Variants in STRIP2 observed in about 807,000 individuals in gnomAD.
The protein encoded by STRIP2 is striatin interacting protein 2.
A neutral mutation model predicts 107.1 loss-of-function variants in STRIP2; 84 were observed. The observed-to-expected ratio is 0.78, with a 90% CI of 0.66 to 0.94. The LOEUF (loss-of-function observed/expected upper bound fraction) is 0.94. Among genes scored for constraint, STRIP2 ranks in the 40% least tolerant of loss-of-function variants. The pLI, the probability that STRIP2 is intolerant of heterozygous loss-of-function variation, is 0.00. For missense variants in STRIP2, 888 were observed against 1,034.2 expected (o/e 0.86, Z 1.94); for synonymous variants, 394 against 400.4 (o/e 0.98, Z 0.19).
intron 18 of STRIP2, 103 bp downstream of exon 18, chr7:129,470,818 G>A (rs1038846226): frequency 4.5e-5 from 42 of 940,926 alleles, no homozygotes; most frequent in Non-Finnish European, 6.3e-5. Context: ...TGGTTTGAGA[G>A]TCTCAGATCA....
At chr7:129,464,243 A>G in intron 15 of STRIP2, 102 bp downstream of exon 15, 1 of 905,330 alleles carries the variant, frequency 1.1e-6, no homozygotes, top group South Asian at 1.4e-5. Context: ...GATTGTCTCC[A>G]AAGAGATCTC....
At chr7:129,452,358 G>A (rs180998999) in intron 4 of STRIP2, among the ~76,000 whole-genome samples, 44 of 152,086 alleles carry the variant, frequency 2.9e-4, no homozygotes, top group Non-Finnish European at 5.7e-4. Context: ...AATATAAGGC[G>A]TGTTAACAGA....
chr7:129,470,861 C>A, intron 18 of STRIP2, 146 bp downstream of exon 18: 1 of 697,744 alleles, frequency 1.4e-6, no homozygotes, highest in Non-Finnish European at 2.5e-6. Flanking sequence ...AGAGATGCAG[C>A]AGGGGTTTAG....
intron 18 of STRIP2, among the ~76,000 whole-genome samples, chr7:129,476,645 C>T (rs1173176867): frequency 1.3e-5 from 2 of 151,698 alleles, no homozygotes; most frequent in Non-Finnish European, 2.9e-5. Context: ...CTCCTCACTT[C>T]CTAGACTGGA....
intron 3 of STRIP2, among the ~76,000 whole-genome samples, chr7:129,451,082 G>A (rs368198370): frequency 6.7e-6 from 1 of 150,274 alleles, no homozygotes; most frequent in Non-Finnish European, 1.5e-5. Flanking sequence ...GACTACAGGC[G>A]CCCGCCACTA....
At position 129,463,164 on chromosome 7, in the gene STRIP2, G is replaced by A. The variant is rs1486104202; in HGVS notation, c.1551+124G>A. 6.8e-6 allele frequency: 5 copies of A among 731,336 alleles called. No individual in the cohort carries two copies. The African/African-American group carries it at 8.9e-5, about 13-fold the overall frequency. 45.3% of individuals were successfully genotyped at this position (731,336 alleles called of 1,614,324 possible). ...CCTGAGCCTTTGCCCCTTTGGCAAG[G>A]CATTCTCTGACACATGCAAATTCTG... On this transcript the variant is annotated intron_variant, in intron 14 of 20. Coordinates refer to ENST00000249344, the MANE Select transcript of STRIP2 (RefSeq NM_020704.3).
intron 3 of STRIP2, 131 bp from the exon 4 acceptor site, chr7:129,451,482 A>C: frequency 8.0e-7 from 1 of 1,243,876 alleles, no homozygotes; most frequent in Non-Finnish European, 1.1e-6. Context: ...TTTCTCAGTG[A>C]AATAAGGAAA....
chr7:129,458,870 C>T lies in STRIP2; in HGVS notation c.1340+93C>T. 8.1e-7 allele frequency: 1 copy of T among 1,238,664 alleles called. No individual in the cohort carries two copies. Among genetic ancestry groups the T allele is most frequent in the Non-Finnish European group, 1.2e-6 (1 of 844,056 alleles). The allele number at this position is 1,238,664 out of a possible 1,614,324, so 76.7% of individuals were successfully genotyped here. On this transcript the variant is annotated intron_variant, in intron 11 of 20. Coordinates refer to ENST00000249344, the MANE Select transcript of STRIP2 (RefSeq NM_020704.3). The surrounding 1 kb of genome is among the most constrained non-coding windows in gnomAD (Gnocchi z 4.6). ...GGAATGAGGGATGGTGCCTGGTGGT[C>T]ATAATGTAACCTAGAGCCCCTAGGC...
chr7:129,451,554 G>A, intron 3 of STRIP2, 59 bp from the exon 4 acceptor site: 1 of 1,602,162 alleles, frequency 6.2e-7, no homozygotes, highest in South Asian at 1.1e-5. Flanking sequence ...GCTATGAGGA[G>A]CCTTTCCAGG....
At chr7:129,468,691 G>T (rs1798726843) in intron 17 of STRIP2, among the ~76,000 whole-genome samples, 1 of 152,152 alleles carries the variant, frequency 6.6e-6, no homozygotes, top group African/African-American at 2.4e-5. Flanking sequence ...GGCTGTGTCA[G>T]GGCCACAACT....
At chr7:129,475,353 AT>A (rs1030013890) in intron 18 of STRIP2, among the ~76,000 whole-genome samples, 5 of 151,040 alleles carry the variant, frequency 3.3e-5, no homozygotes, top group South Asian at 2.1e-4. Flanking sequence ...TTTTTTATTT[AT>A]TTTTTTTATT....
At chr7:129,441,167 TTAAAA>T (rs1797889041) in intron 2 of STRIP2, among the ~76,000 whole-genome samples, 2 of 152,110 alleles carry the variant, frequency 1.3e-5, no homozygotes. Context: ...GAAAAGCAAA[TTAAAA>T]TAATAAAATA....
chr7:129,456,646 T>G lies in STRIP2; in HGVS notation c.1038+4T>G. 1.9e-6 allele frequency: 3 copies of G among 1,613,190 alleles called. No homozygotes were observed. The highest frequency in any genetic ancestry group is 2.5e-6 in the Non-Finnish European group (3 of 1,179,634). The stretch of plus-strand genomic sequence containing the variant: ...AGGCCGCCGTGGCTCTCGAAGGGTA[T>G]GGACTGAAGCAGACAATGGTATTGG... On this transcript the variant is annotated splice_donor_region_variant and intron_variant, in intron 9 of 20. Coordinates refer to ENST00000249344, the MANE Select transcript of STRIP2 (RefSeq NM_020704.3).
At chr7:129,465,905 C>T (rs62489087) in intron 16 of STRIP2, among the ~76,000 whole-genome samples, 33,528 of 152,138 alleles carry the variant, frequency 0.22, 4,210 homozygotes, top group Non-Finnish European at 0.28. Context: ...AGCAGGTCCT[C>T]AGAGTACAGA....
chr7:129,483,042 G>A lies in STRIP2; in HGVS notation c.2250G>A (p.Gly750=). The A allele has an allele frequency of 1.2e-6, 2 of 1,614,100 alleles. No homozygotes were observed. The highest frequency in any genetic ancestry group is 1.7e-6 in the Non-Finnish European group (2 of 1,179,974). The change falls in exon 20 of 21, where the codon GGG becomes GGA. Residue 750 remains glycine (G), a synonymous_variant. Transcript: ENST00000249344. The surrounding 1 kb of genome is among the most constrained non-coding windows in gnomAD (Gnocchi z 5.1). ...GCATGAACGATGACTGGGCTTACGG[G>A]AATGGTGAGTCTTCCCAAAGCTCTT... ...RHRMNDDWAY[G]NDIDARPWDF... is the part of the protein sequence containing the mutation.
intron 20 of STRIP2, chr7:129,484,768 A>G (rs906169126): frequency 1.3e-5 from 2 of 152,196 alleles, no homozygotes; most frequent in African/African-American, 4.8e-5. Flanking sequence ...ATTCTTGTAA[A>G]TTTTTAAAAC....
chr7:129,440,215 C>A, intron 2 of STRIP2, 124 bp downstream of exon 2: 1 of 744,574 alleles, frequency 1.3e-6, no homozygotes, highest in Non-Finnish European at 2.3e-6. Flanking sequence ...CTGTTCTCCA[C>A]ATTCCTTTTC....
In STRIP2 at chr7:129,458,241, G is replaced by A. The variant is rs906008737; in HGVS notation, c.1065G>A (p.Leu355=). 2 of 1,614,136 alleles carry A rather than the reference G, an allele frequency of 1.2e-6. No homozygotes were observed. Among genetic ancestry groups the A allele is most frequent in the Non-Finnish European group, 1.7e-6 (2 of 1,180,006 alleles). The change falls in exon 10 of 21, where the codon CTG becomes CTA. Residue 355 remains leucine (L), a synonymous_variant. Coordinates refer to ENST00000249344, the MANE Select transcript of STRIP2 (RefSeq NM_020704.3). The surrounding 1 kb of genome is among the most constrained non-coding windows in gnomAD (Gnocchi z 4.6). ...AACTCCTCACTAAGCAGGACAGCCT[G>A]GACATCTACAATGAAAGGGATCTCT... ...RRQLLTKQDS[L]DIYNERDLFK...
At chr7:129,467,817 A>G (rs1798706586) in intron 17 of STRIP2, among the ~76,000 whole-genome samples, 1 of 152,158 alleles carries the variant, frequency 6.6e-6, no homozygotes, top group Admixed American at 6.5e-5. Context: ...TGGAACAGTT[A>G]TACTGTTTCA....
Sources: allele counts gnomAD v4.1 joint callset (sites outside exome capture counted in the v4.1 genomes callset), GRCh38; gene constraint gnomAD v4.1.1; non-coding constraint Gnocchi (gnomAD v3.1); transcripts MANE v1.5; gene names NCBI Gene and HGNC (gene_info 2026-07-23, HGNC 2026-07-21).